The following ETV7 variants were observed in gnomAD, a reference collection of about 807,000 sequenced individuals.
ETV7 encodes the protein transcription factor ETV7.
In ETV7, 43 loss-of-function variants were observed where a neutral mutation model predicts 39.1. The ratio of observed to expected loss-of-function variants is 1.10; its 90% CI spans 0.86 to 1.42. The LOEUF (loss-of-function observed/expected upper bound fraction) is 1.42, where lower values mean the gene tolerates loss of function less well. Among genes scored for constraint, ETV7 ranks in the 40% most tolerant of loss-of-function variants. ETV7 has a pLI of 0.00. For missense variants in ETV7, 432 were observed against 442.3 expected (o/e 0.98, Z 0.21); for synonymous variants, 196 against 176.6 (o/e 1.11, Z -0.87).
downstream of ETV7, among the ~76,000 whole-genome samples, chr6:36,365,982 G>A (rs147873925): frequency 5.9e-4 from 90 of 152,256 alleles, 1 homozygote; most frequent in African/African-American, 2.0e-3. Flanking sequence ...TACCAGCCTG[G>A]CCAACATGGT....
chr6:36,380,085 G>C (rs925438057), intron 2 of ETV7, among the ~76,000 whole-genome samples: 11 of 152,096 alleles, frequency 7.2e-5, no homozygotes, highest in African/African-American at 2.7e-4. Flanking sequence ...CTGGCATGTG[G>C]CATGTGCTTT....
chr6:36,363,497 C>G (rs995544236), downstream of ETV7, among the ~76,000 whole-genome samples: 1 of 152,148 alleles, frequency 6.6e-6, no homozygotes, highest in Non-Finnish European at 1.5e-5. Context: ...GGGTCGTGGG[C>G]TCGCTGGCTT....
At chr6:36,387,377 G>A (rs1773965262) in intron 1 of ETV7, among the ~76,000 whole-genome samples, 159 bp downstream of exon 1, 1 of 152,208 alleles carries the variant, frequency 6.6e-6, no homozygotes, top group African/African-American at 2.4e-5. Context: ...GGGGAAGTGA[G>A]TGAGGGATGG....
intron 2 of ETV7, among the ~76,000 whole-genome samples, chr6:36,384,367 A>T (rs1773794131): frequency 6.6e-6 from 1 of 152,238 alleles, no homozygotes; most frequent in Admixed American, 6.5e-5. Context: ...TCTGGTGACC[A>T]TCTCAGAAGG....
chr6:36,370,652 A>C lies in ETV7; in HGVS notation c.664+678T>G, dbSNP rs75791638. Among the ~76,000 whole-genome samples the C allele has an allele frequency of 3.9e-3, 590 of 152,192 alleles. 3 individuals carry two copies. Among genetic ancestry groups the C allele is most frequent in the African/African-American group, 0.014 (563 of 41,510 alleles). ...GGCACGCAATTTACCCATGTAACAA[A>C]CCTGCACATGCACCCCCTGAACCTA... On this transcript the variant is annotated intron_variant, in intron 5 of 7. Transcript: ENST00000340181.
At chr6:36,356,511 C>G (rs1454263771) in intron 7 of ETV7, among the ~76,000 whole-genome samples, 2 of 152,300 alleles carry the variant, frequency 1.3e-5, no homozygotes, top group South Asian at 4.1e-4. Context: ...CTTTCTGCCC[C>G]TCTGGTGTCC....
rs1459529678 is a variant in ETV7, at chr6:36,386,616, C to T, written c.6+920G>A. ...TTTTTCACTCTAGGATTGTCAAAAG[C>T]TTTACATTCATCTCTTGGGATCCGA... On this transcript the variant is annotated intron_variant, in intron 1 of 7. Transcript: ENST00000340181. 2.0e-5 allele frequency among the ~76,000 whole-genome samples: 3 copies of T among 152,356 alleles called. No individual in the cohort carries two copies. The East Asian group carries it at 5.8e-4, about 29-fold the overall frequency.
At chr6:36,363,336 G>C (rs1350998010), downstream of ETV7, among the ~76,000 whole-genome samples, 3 of 152,094 alleles carry the variant, frequency 2.0e-5, no homozygotes, top group African/African-American at 4.8e-5. Flanking sequence ...CGCGGTGAGT[G>C]TTACAGCCCT....
At chr6:36,373,696 A>G in intron 3 of ETV7, 118 bp from the exon 4 acceptor site, 1 of 1,205,458 alleles carries the variant, frequency 8.3e-7, no homozygotes, top group Non-Finnish European at 1.1e-6. Context: ...TCACAGCTTC[A>G]TGCCGATGGC....
At chr6:36,374,724 G>A (rs920146803) in intron 3 of ETV7, among the ~76,000 whole-genome samples, 4 of 152,186 alleles carry the variant, frequency 2.6e-5, no homozygotes, top group African/African-American at 9.7e-5. Context: ...TTAGAGAGAC[G>A]AAAGTTCCAG....
downstream of ETV7, among the ~76,000 whole-genome samples, chr6:36,361,535 C>T (rs1417007175): frequency 6.6e-6 from 1 of 152,214 alleles, no homozygotes; most frequent in African/African-American, 2.4e-5. Flanking sequence ...TCCCCAGCAT[C>T]AGCCCAGGCT....
chr6:36,361,503 CCT>C (rs950236958), downstream of ETV7, among the ~76,000 whole-genome samples: 3 of 152,226 alleles, frequency 2.0e-5, no homozygotes, highest in African/African-American at 7.2e-5. Context: ...GCCCTAGGAT[CCT>C]CTGTGACAAA....
At chr6:36,354,917 T>G (rs1239387164) in intron 7 of ETV7, among the ~76,000 whole-genome samples, 1 of 152,242 alleles carries the variant, frequency 6.6e-6, no homozygotes, top group Non-Finnish European at 1.5e-5. Context: ...AATAGAATTA[T>G]TTTGAATTTC....
chr6:36,363,436 G>A (rs1228593462), downstream of ETV7, among the ~76,000 whole-genome samples: 1 of 152,098 alleles, frequency 6.6e-6, no homozygotes. Flanking sequence ...TTCACGGTGA[G>A]TGTTACAGCT....
downstream of ETV7, among the ~76,000 whole-genome samples, chr6:36,365,936 C>A (rs1772696083): frequency 6.6e-6 from 1 of 152,212 alleles, no homozygotes; most frequent in Admixed American, 6.5e-5. Flanking sequence ...CTTTGGGAAA[C>A]TGAGGCAAGA....
chr6:36,366,383 T>G lies in ETV7; in HGVS notation c.*262A>C. On this transcript the variant is annotated 3_prime_UTR_variant, in exon 8 of 8. Coordinates refer to ENST00000340181, the MANE Select transcript of ETV7 (RefSeq NM_016135.4). ...GCTGGGTGCTCTATCGGTGCCTGGCTTCCTCTCCCAGGGGTGCAGTAGGGG... is the reference window on the plus strand; with the variant it reads ...GCTGGGTGCTCTATCGGTGCCTGGCGTCCTCTCCCAGGGGTGCAGTAGGGG... The G allele has an allele frequency of 7.7e-7, 1 of 1,292,446 alleles. No individual in the cohort carries two copies. 80.1% of individuals were successfully genotyped at this position (1,292,446 alleles called of 1,614,324 possible). A position where few individuals can be genotyped will look rare whatever the true frequency, so the allele number is the denominator to read the frequency against.
chr6:36,383,486 G>A (rs1048234022), intron 2 of ETV7, among the ~76,000 whole-genome samples: 4 of 151,998 alleles, frequency 2.6e-5, no homozygotes, highest in Middle Eastern at 3.2e-3. Context: ...GATCTGTTTT[G>A]TTTATTCACT....
At chr6:36,358,375 A>G (rs1772393767) in intron 7 of ETV7, among the ~76,000 whole-genome samples, 2 of 152,230 alleles carry the variant, frequency 1.3e-5, no homozygotes, top group Admixed American at 1.3e-4. Flanking sequence ...GCTTTGTCAA[A>G]GGCCCTTTTT....
intron 7 of ETV7, among the ~76,000 whole-genome samples, chr6:36,360,050 G>A (rs1201244696): frequency 6.6e-6 from 1 of 152,068 alleles, no homozygotes; most frequent in Non-Finnish European, 1.5e-5. Context: ...GTGCCACCAT[G>A]CCCAGCTAAT....
Sources: gnomAD v4.1 joint callset for allele counts (sites outside exome capture counted in the v4.1 genomes callset) on GRCh38, gnomAD v4.1.1 for gene constraint, MANE v1.5 for transcripts, NCBI Gene and HGNC (gene_info 2026-07-23, HGNC 2026-07-21) for gene names.